The following MCTP1 variants were observed in gnomAD, a reference collection of about 807,000 sequenced individuals.
MCTP1 encodes multiple C2 and transmembrane domain containing 1.
A neutral mutation model predicts 120.6 loss-of-function variants in MCTP1; 69 were observed. That is an observed-to-expected ratio of 0.57 (90% confidence interval 0.47 to 0.70). The LOEUF is 0.70. Ranked by LOEUF, MCTP1 falls within the 30% of genes least tolerant of loss-of-function variation. MCTP1 has a pLI of 0.00. For synonymous variants in MCTP1, 529 were observed against 493.1 expected (o/e 1.07, Z -0.96); for missense variants, 1,203 against 1,248.8 (o/e 0.96, Z 0.55).
intron 19 of MCTP1, among the ~76,000 whole-genome samples, chr5:94,720,960 G>A (rs1394236703): frequency 1.3e-5 from 2 of 152,144 alleles, no homozygotes. Flanking sequence ...GGAAACTGAG[G>A]CTCAGGAAAA....
chr5:94,731,906 T>G (rs1439370805), intron 19 of MCTP1, among the ~76,000 whole-genome samples: 1 of 152,212 alleles, frequency 6.6e-6, no homozygotes, highest in African/African-American at 2.4e-5. Flanking sequence ...TTTAGATACT[T>G]TAGTAAATGG....
intron 17 of MCTP1, among the ~76,000 whole-genome samples, chr5:94,831,157 C>A (rs168846): frequency 0.88 from 133,331 of 152,164 alleles, 58,688 homozygotes; most frequent in East Asian, 0.98. Flanking sequence ...TAAAACATGC[C>A]GCATTGCCAA....
At chr5:95,264,609 TC>T (rs1456236014) in intron 1 of MCTP1, among the ~76,000 whole-genome samples, 1 of 152,106 alleles carries the variant, frequency 6.6e-6, no homozygotes, top group African/African-American at 2.4e-5. Flanking sequence ...CCCACCTCTC[TC>T]CCACTCTCAG....
chr5:94,747,051 C>T (rs1561565053), intron 19 of MCTP1, among the ~76,000 whole-genome samples: 1 of 151,082 alleles, frequency 6.6e-6, no homozygotes, highest in African/African-American at 2.4e-5. Flanking sequence ...AGGTTTCCAG[C>T]TTTTTTTTTA....
chr5:94,876,824 A>C (rs745674515), intron 12 of MCTP1, among the ~76,000 whole-genome samples: 2 of 151,958 alleles, frequency 1.3e-5, no homozygotes, highest in Non-Finnish European at 2.9e-5. Context: ...AGGACACGGC[A>C]ATTTTCCATG....
intron 1 of MCTP1, among the ~76,000 whole-genome samples, chr5:95,072,328 G>T (rs1399405164): frequency 2.6e-5 from 4 of 152,060 alleles, no homozygotes; most frequent in African/African-American, 9.7e-5. Context: ...ATTACATAAG[G>T]CTGGGGGAAT....
At chr5:95,226,595 T>G (rs924379521) in intron 1 of MCTP1, among the ~76,000 whole-genome samples, 4 of 152,194 alleles carry the variant, frequency 2.6e-5, no homozygotes, top group East Asian at 1.9e-4. Context: ...GAACACCTTT[T>G]TTTTTTTAAC....
chr5:95,089,164 G>C (rs938502002), intron 1 of MCTP1, among the ~76,000 whole-genome samples: 2 of 152,162 alleles, frequency 1.3e-5, no homozygotes, highest in Admixed American at 1.3e-4. Context: ...GTTATTCTTA[G>C]GCGATACATC....
At chr5:94,939,170 T>C in intron 5 of MCTP1, among the ~76,000 whole-genome samples, 1 of 152,072 alleles carries the variant, frequency 6.6e-6, no homozygotes, top group East Asian at 1.9e-4. Context: ...TTTCCAAATT[T>C]GATGTTGTAA....
Position 94,746,414 on chromosome 5 carries a change from CTAA to C in MCTP1, c.2611-31531_2611-31529del, listed in dbSNP as rs556595531. 3.3e-5 allele frequency among the ~76,000 whole-genome samples: 5 copies of C among 152,240 alleles called. No homozygotes were observed. In the South Asian group the frequency reaches 1.0e-3, roughly 32 times the overall value. On this transcript the variant is annotated intron_variant, in intron 19 of 22. Transcript: ENST00000515393. ...TTACACGGTAAACCCCTAATAAGTGCTAATATTATGAATGTTTTGAGATATATG... is the reference window on the plus strand; with the variant it reads ...TTACACGGTAAACCCCTAATAAGTGCTATTATGAATGTTTTGAGATATATG...
intron 1 of MCTP1, among the ~76,000 whole-genome samples, chr5:95,238,509 C>T (rs1044660297): frequency 3.3e-5 from 5 of 152,098 alleles, no homozygotes; most frequent in Admixed American, 2.6e-4. Flanking sequence ...CAAAAAATTA[C>T]GCAGATGCCA....
intron 17 of MCTP1, among the ~76,000 whole-genome samples, chr5:94,855,315 G>A (rs149632005): frequency 1.6e-4 from 25 of 151,806 alleles, no homozygotes; most frequent in African/African-American, 5.5e-4. Context: ...AGTAATAAAG[G>A]CCTTGTCCTT....
At chr5:95,086,006 T>A (rs763831531) in intron 1 of MCTP1, among the ~76,000 whole-genome samples, 1 of 152,104 alleles carries the variant, frequency 6.6e-6, no homozygotes, top group Non-Finnish European at 1.5e-5. Flanking sequence ...CTTCTGTGTA[T>A]TTTTTTACTA....
At chr5:94,712,427 T>C (rs1024584327) in intron 20 of MCTP1, among the ~76,000 whole-genome samples, 2 of 152,118 alleles carry the variant, frequency 1.3e-5, no homozygotes, top group African/African-American at 4.8e-5. Flanking sequence ...GAGTTTTTTT[T>C]TTTCAGGGCA....
chr5:95,142,934 AC>A (rs1183373954), intron 1 of MCTP1, among the ~76,000 whole-genome samples: 2 of 152,254 alleles, frequency 1.3e-5, no homozygotes, highest in African/African-American at 4.8e-5. Flanking sequence ...AATATGATGG[AC>A]ATGCAAGACA....
At chr5:94,829,443 T>A (rs1157582124) in intron 17 of MCTP1, among the ~76,000 whole-genome samples, 1 of 152,198 alleles carries the variant, frequency 6.6e-6, no homozygotes, top group Non-Finnish European at 1.5e-5. Flanking sequence ...CGTTTTAAAT[T>A]TTTTAAAAGG....
chr5:95,111,754 G>A (rs1757471374), intron 1 of MCTP1, among the ~76,000 whole-genome samples: 1 of 152,118 alleles, frequency 6.6e-6, no homozygotes, highest in Non-Finnish European at 1.5e-5. Context: ...TCCAAATATT[G>A]AGACCAAATA....
rs540795028 is a variant in MCTP1 at position 94,977,252 on chromosome 5, T to C, written c.839-23891A>G. ...CTCAAAATAATAAAATACTTAGAAA[T>C]AAGCTCAACTAAGAAGGTAAAAGAC... On this transcript the variant is annotated intron_variant, in intron 2 of 22. Transcript: ENST00000515393. 1.1e-4 allele frequency among the ~76,000 whole-genome samples: 17 copies of C among 152,104 alleles called. No individual in the cohort carries two copies. The East Asian group carries it at 3.3e-3, about 29-fold the overall frequency.
At chr5:94,846,283 A>G (rs1792332652) in intron 17 of MCTP1, among the ~76,000 whole-genome samples, 1 of 152,212 alleles carries the variant, frequency 6.6e-6, no homozygotes, top group Non-Finnish European at 1.5e-5. Flanking sequence ...TGGATAAAGA[A>G]AATATAGTAC....
Sources: gnomAD v4.1 joint callset for allele counts (sites outside exome capture counted in the v4.1 genomes callset) on GRCh38, gnomAD v4.1.1 for gene constraint, MANE v1.5 for transcripts, NCBI Gene and HGNC (gene_info 2026-07-23, HGNC 2026-07-21) for gene names.